The following AP4S1 variants were observed in gnomAD, a reference collection of about 807,000 sequenced individuals.
AP4S1 encodes the protein adaptor related protein complex 4 subunit sigma 1.
A neutral mutation model predicts 19.8 loss-of-function variants in AP4S1; 23 were observed. The ratio of observed to expected loss-of-function variants is 1.16; its 90% confidence interval spans 0.84 to 1.65. The LOEUF is 1.65. Ranked by LOEUF, AP4S1 falls within the 40% of genes most tolerant of loss-of-function variation. AP4S1 has a pLI of 0.00. For synonymous variants in AP4S1, 46 were observed against 54.1 expected (o/e 0.85, Z 0.66); for missense variants, 166 against 172.8 (o/e 0.96, Z 0.22).
At chr14:31,049,428 A>ATATATAT (rs1555331101) in intron 1 of AP4S1, among the ~76,000 whole-genome samples, 33 of 57,712 alleles carry the variant, frequency 5.7e-4, no homozygotes, top group African/African-American at 2.5e-3. Context: ...AAAAAAAAAA[A>ATATATAT]ATATATATAT....
chr14:31,085,050 C>A, intron 5 of AP4S1: 2 of 1,448,606 alleles, frequency 1.4e-6, no homozygotes, highest in Non-Finnish European at 1.8e-6. Flanking sequence ...TTGGGCTAGA[C>A]TGGAATGCAG....
chr14:31,049,428 A>AAAAATAT (rs1384450221), intron 1 of AP4S1, among the ~76,000 whole-genome samples: 9 of 57,742 alleles, frequency 1.6e-4, no homozygotes, highest in African/African-American at 3.2e-4. Flanking sequence ...AAAAAAAAAA[A>AAAAATAT]ATATATATAT....
At chr14:31,052,249 G>C (rs957605253) in intron 1 of AP4S1, among the ~76,000 whole-genome samples, 7 of 152,112 alleles carry the variant, frequency 4.6e-5, no homozygotes, top group Admixed American at 2.0e-4. Flanking sequence ...TCCAGCTTTG[G>C]TGATAGAGTG....
chr14:31,037,346 C>A (rs1382965778), intron 1 of AP4S1, among the ~76,000 whole-genome samples: 4 of 152,182 alleles, frequency 2.6e-5, no homozygotes, highest in Non-Finnish European at 4.4e-5. Context: ...TAGATGTTTT[C>A]TTTTGCTATC....
At position 31,084,867 on chromosome 14, in the gene AP4S1, C is replaced by T. The variant is rs143795469; in HGVS notation, c.306+4283C>T. ...CATCATTCAAAGGAGCTGCCTCCAC[C>T]ACCCCCATCTACTGAATAGCCAGGG... On this transcript the variant is annotated intron_variant, in intron 5 of 5. Coordinates refer to ENST00000542754, the MANE Select transcript of AP4S1 (RefSeq NM_001128126.3). 1.5e-4 allele frequency: 238 copies of T among 1,614,228 alleles called. 1 individual carries two copies. Among genetic ancestry groups the T allele is most frequent in the African/African-American group, 1.3e-3 (101 of 75,058 alleles).
At chr14:31,073,610 T>A (rs1020424782) in intron 4 of AP4S1, among the ~76,000 whole-genome samples, 4 of 151,862 alleles carry the variant, frequency 2.6e-5, no homozygotes, top group Non-Finnish European at 5.9e-5. Flanking sequence ...TTATTTATTT[T>A]TTTATTTTTT....
intron 5 of AP4S1, among the ~76,000 whole-genome samples, chr14:31,088,960 A>G (rs1418621959): frequency 6.6e-6 from 1 of 152,008 alleles, no homozygotes; most frequent in Admixed American, 6.6e-5. Context: ...CCAGGGGTTC[A>G]AGACCAGTCT....
rs1190889725 is a variant in AP4S1, at chr14:31,093,320, CCTT to C, written c.*289_*291del. Reference sequence around the variant, plus strand: ...AAATTCTGTTGAGCACCTAAGGAACCCTTCTTGGTCTATGCTTCTTTTGCAAAT... The same window carrying C: ...AAATTCTGTTGAGCACCTAAGGAACCCTTGGTCTATGCTTCTTTTGCAAAT... On this transcript the variant is annotated 3_prime_UTR_variant, in exon 6 of 6. Coordinates refer to ENST00000542754, the MANE Select transcript of AP4S1 (RefSeq NM_001128126.3). 9.0e-6 allele frequency: 2 copies of C among 222,866 alleles called. No homozygotes were observed. The highest frequency in any genetic ancestry group is 1.7e-5 in the Non-Finnish European group (2 of 115,316). 13.8% of individuals were successfully genotyped at this position (222,866 alleles called of 1,614,324 possible).
At chr14:31,032,282 T>C (rs1884443220) in intron 1 of AP4S1, among the ~76,000 whole-genome samples, 1 of 152,044 alleles carries the variant, frequency 6.6e-6, no homozygotes, top group African/African-American at 2.4e-5. Context: ...CTAAATAGGG[T>C]GTCTAATCTT....
rs149638868 is a variant in AP4S1, at chr14:31,054,642, T to C, written c.-71-11484T>C. On this transcript the variant is annotated intron_variant, in intron 1 of 5. Coordinates refer to ENST00000542754, the MANE Select transcript of AP4S1 (RefSeq NM_001128126.3). ...AGGCGGAGGTTGCAGTAAGCCAAGA[T>C]TGCGCCACTGCACTCTGGCCTGGGT... 7.3e-3 allele frequency among the ~76,000 whole-genome samples: 1,114 copies of C among 152,026 alleles called. 12 individuals are homozygous for C. The highest frequency in any genetic ancestry group is 0.011 in the Non-Finnish European group (753 of 67,980).
chr14:31,066,122 C>G lies in AP4S1; in HGVS notation c.-71-4C>G. 3 of 1,457,650 alleles carry G rather than the reference C, an allele frequency of 2.1e-6. 1 individual carries two copies. In the South Asian group the frequency reaches 3.6e-5, roughly 17 times the overall value. 90.3% of individuals were successfully genotyped at this position (1,457,650 alleles called of 1,614,324 possible). A position where few individuals can be genotyped will look rare whatever the true frequency, so the allele number is the denominator to read the frequency against. ...TTCTGGTTTTGTTTGTTTTTGTCTT[C>G]AAGGTTCCAGTTACAGCCATCCCTT... On this transcript the variant is annotated splice_region_variant and splice_polypyrimidine_tract_variant and intron_variant, in intron 1 of 5. Coordinates refer to ENST00000542754, the MANE Select transcript of AP4S1 (RefSeq NM_001128126.3).
chr14:31,057,777 C>A (rs1886203283), intron 1 of AP4S1, among the ~76,000 whole-genome samples: 2 of 152,012 alleles, frequency 1.3e-5, no homozygotes, highest in Non-Finnish European at 1.5e-5. Flanking sequence ...AGGCACCCGA[C>A]AACACGCCTG....
intron 1 of AP4S1, among the ~76,000 whole-genome samples, chr14:31,060,078 T>C (rs1886352910): frequency 6.7e-6 from 1 of 148,748 alleles, no homozygotes; most frequent in Non-Finnish European, 1.5e-5. Context: ...TATTTTTATA[T>C]ATATAAAACT....
At chr14:31,049,295 C>A (rs990011501) in intron 1 of AP4S1, among the ~76,000 whole-genome samples, 9 of 149,206 alleles carry the variant, frequency 6.0e-5, no homozygotes, top group African/African-American at 2.0e-4. Context: ...GTGCCTGTAG[C>A]CCCAGCTACT....
intron 1 of AP4S1, among the ~76,000 whole-genome samples, chr14:31,040,770 G>A (rs561735089): frequency 1.1e-4 from 16 of 152,016 alleles, no homozygotes; most frequent in Middle Eastern, 6.8e-3. Flanking sequence ...CAAGATCTGC[G>A]AGCCACATGA....
chr14:31,032,812 G>A (rs978961183), intron 1 of AP4S1, among the ~76,000 whole-genome samples: 3 of 152,152 alleles, frequency 2.0e-5, no homozygotes, highest in Non-Finnish European at 2.9e-5. Flanking sequence ...GGGATTACAG[G>A]CATGAGCCAC....
At chr14:31,068,084 T>G (rs1436300705) in intron 2 of AP4S1, among the ~76,000 whole-genome samples, 5 of 151,976 alleles carry the variant, frequency 3.3e-5, no homozygotes, top group Admixed American at 3.3e-4. Flanking sequence ...GTCAGGCTGG[T>G]CTTGAAATCC....
intron 1 of AP4S1, among the ~76,000 whole-genome samples, chr14:31,030,668 G>A (rs895405238): frequency 2.6e-5 from 4 of 152,016 alleles, no homozygotes; most frequent in African/African-American, 9.7e-5. Flanking sequence ...TATTTTTTAA[G>A]AAGTACTGAT....
At chr14:31,055,237 G>T (rs1443092803) in intron 1 of AP4S1, among the ~76,000 whole-genome samples, 1 of 151,928 alleles carries the variant, frequency 6.6e-6, no homozygotes, top group Non-Finnish European at 1.5e-5. Flanking sequence ...TCTGGTAGGA[G>T]ATCTCAACAT....
Sources: gnomAD v4.1 joint callset for allele counts (sites outside exome capture counted in the v4.1 genomes callset) on GRCh38, gnomAD v4.1.1 for gene constraint, MANE v1.5 for transcripts, NCBI Gene and HGNC (gene_info 2026-07-23, HGNC 2026-07-21) for gene names.